Variants in MRPL48 observed in about 807,000 individuals in gnomAD.
MRPL48 encodes large ribosomal subunit protein mL48.
Under a neutral mutation model 32.9 loss-of-function variants are expected in MRPL48, and 16 were observed. The ratio of observed to expected loss-of-function variants is 0.49; its 90% CI spans 0.33 to 0.74. MRPL48 has a LOEUF of 0.74. Among genes scored for constraint, MRPL48 ranks in the 30% least tolerant of loss-of-function variants. The pLI is 0.02. For synonymous variants in MRPL48, 94 were observed against 89.2 expected (o/e 1.05, Z -0.31); for missense variants, 206 against 245.3 (o/e 0.84, Z 1.07).
At chr11:73,796,072 G>A (rs1478217401) in intron 1 of MRPL48, among the ~76,000 whole-genome samples, 1 of 152,250 alleles carries the variant, frequency 6.6e-6, no homozygotes, top group African/African-American at 2.4e-5. Context: ...GGCTGCAGCA[G>A]GGAGGCGTGG....
intron 3 of MRPL48, among the ~76,000 whole-genome samples, chr11:73,818,498 A>G (rs1947715270): frequency 1.3e-5 from 2 of 152,248 alleles, no homozygotes; most frequent in East Asian, 3.8e-4. Context: ...GGCAGCTGGC[A>G]GGGACAAATC....
chr11:73,864,782 T>C lies in MRPL48; in HGVS notation c.*412T>C. On this transcript the variant is annotated 3_prime_UTR_variant, in exon 8 of 8. Transcript: ENST00000310614. ...GACCAGCCTGGCAACATTCTGTCTT[T>C]ACCAAAAACATTCTTTTTTTTTTTT... is the stretch of plus-strand genomic sequence containing the variant. 1 of 186,378 alleles carries C rather than the reference T, an allele frequency of 5.4e-6. No homozygotes were observed. Among genetic ancestry groups the C allele is most frequent in the Admixed American group, 5.4e-5 (1 of 18,402 alleles). 11.5% of individuals were successfully genotyped at this position (186,378 alleles called of 1,614,324 possible).
chr11:73,853,926 G>A (rs190289311), intron 5 of MRPL48, among the ~76,000 whole-genome samples: 2 of 152,016 alleles, frequency 1.3e-5, no homozygotes, highest in African/African-American at 2.4e-5. Flanking sequence ...TCCTGACCTC[G>A]TGATCCGCCC....
chr11:73,795,593 G>A (rs1176099146), intron 1 of MRPL48, among the ~76,000 whole-genome samples: 4 of 150,912 alleles, frequency 2.7e-5, no homozygotes, highest in Non-Finnish European at 4.4e-5. Flanking sequence ...TGCAAGCCCC[G>A]CCTCCCGGGT....
intron 5 of MRPL48, among the ~76,000 whole-genome samples, chr11:73,848,964 G>A (rs1173378374): frequency 6.6e-6 from 1 of 151,792 alleles, no homozygotes; most frequent in Non-Finnish European, 1.5e-5. Flanking sequence ...TGGGACTACA[G>A]GTGTGTGCCA....
chr11:73,831,997 C>T (rs1049512749), intron 4 of MRPL48, among the ~76,000 whole-genome samples: 29 of 147,182 alleles, frequency 2.0e-4, no homozygotes, highest in African/African-American at 7.3e-4. Flanking sequence ...ATTTGTATAG[C>T]ACTGGGTCAT....
At chr11:73,863,295 C>A in intron 7 of MRPL48, 34 bp downstream of exon 7, 1 of 1,491,826 alleles carries the variant, frequency 6.7e-7, no homozygotes, top group East Asian at 2.5e-5. Context: ...CCCCTGCTGG[C>A]CTGCATATGC....
chr11:73,813,842 C>A (rs994097057), intron 3 of MRPL48, among the ~76,000 whole-genome samples: 3 of 151,724 alleles, frequency 2.0e-5, no homozygotes, highest in Admixed American at 2.0e-4. Context: ...GAGATCAAGA[C>A]CATCCTGGCT....
intron 1 of MRPL48, among the ~76,000 whole-genome samples, chr11:73,793,760 G>A (rs1004795150): frequency 6.6e-6 from 1 of 151,882 alleles, no homozygotes; most frequent in Admixed American, 6.6e-5. Context: ...GGTGGCTCAT[G>A]CCTATAATTC....
intron 1 of MRPL48, among the ~76,000 whole-genome samples, chr11:73,794,236 T>C (rs1947207925): frequency 7.9e-6 from 1 of 127,118 alleles, no homozygotes; most frequent in Admixed American, 8.4e-5. Context: ...ATCTAAACTA[T>C]CTGTCTCTGA....
chr11:73,798,039 G>A (rs1947289633), intron 1 of MRPL48, among the ~76,000 whole-genome samples: 1 of 152,020 alleles, frequency 6.6e-6, no homozygotes, highest in Non-Finnish European at 1.5e-5. Context: ...ACATAAATAT[G>A]TTTAGAAGGT....
intron 1 of MRPL48, among the ~76,000 whole-genome samples, chr11:73,801,097 C>T (rs1947356092): frequency 6.6e-6 from 1 of 152,182 alleles, no homozygotes; most frequent in Non-Finnish European, 1.5e-5. Context: ...AGGCGTGAGC[C>T]ACTGGGCCTG....
intron 5 of MRPL48, among the ~76,000 whole-genome samples, chr11:73,845,803 C>T (rs1440156045): frequency 6.6e-6 from 1 of 152,014 alleles, no homozygotes; most frequent in East Asian, 1.9e-4. Context: ...CGCGGTAGCT[C>T]ATGCCTGTAA....
chr11:73,808,727 G>A (rs1418573503), intron 3 of MRPL48, among the ~76,000 whole-genome samples: 1 of 151,948 alleles, frequency 6.6e-6, no homozygotes, highest in Non-Finnish European at 1.5e-5. Flanking sequence ...TTCGAGACCA[G>A]CCTGGCCAAC....
chr11:73,821,310 A>C (rs1307129076), intron 3 of MRPL48, among the ~76,000 whole-genome samples: 1 of 152,100 alleles, frequency 6.6e-6, no homozygotes, highest in Non-Finnish European at 1.5e-5. Context: ...TTGTAATCTT[A>C]TATTTACTTT....
At chr11:73,815,892 A>AT (rs71469473) in intron 3 of MRPL48, among the ~76,000 whole-genome samples, 14,387 of 136,628 alleles carry the variant, frequency 0.11, 782 homozygotes, top group South Asian at 0.28. Context: ...CTTGACTTTT[A>AT]TTTTTTTTTT....
At chr11:73,825,329 TA>T (rs1297008324) in intron 3 of MRPL48, among the ~76,000 whole-genome samples, 4 of 151,514 alleles carry the variant, frequency 2.6e-5, no homozygotes, top group Non-Finnish European at 5.9e-5. Flanking sequence ...TGTGTATACA[TA>T]TTTTTTTTTC....
At chr11:73,825,609 A>C (rs1947872804) in intron 3 of MRPL48, 99 bp from the exon 4 acceptor site, 1 of 1,042,164 alleles carries the variant, frequency 9.6e-7, no homozygotes, top group Non-Finnish European at 1.4e-6. Context: ...AGATGGCATT[A>C]CATCCCAGCT....
intron 5 of MRPL48, among the ~76,000 whole-genome samples, chr11:73,858,793 T>C (rs1948532096): frequency 6.6e-6 from 1 of 152,254 alleles, no homozygotes; most frequent in Non-Finnish European, 1.5e-5. Flanking sequence ...CACAATTCTC[T>C]GTTGATAATA....
Sources: gnomAD v4.1 joint callset for allele counts (sites outside exome capture counted in the v4.1 genomes callset) on GRCh38, gnomAD v4.1.1 for gene constraint, MANE v1.5 for transcripts, NCBI Gene and HGNC (gene_info 2026-07-23, HGNC 2026-07-21) for gene names.